Variants in VKORC1L1 observed in about 807,000 individuals in gnomAD.
VKORC1L1 encodes vitamin K epoxide reductase complex subunit 1L1, also known as vitamin K epoxide reductase complex subunit 1-like protein 1.
A neutral mutation model predicts 18.9 loss-of-function variants in VKORC1L1; 2 were observed. The observed-to-expected ratio is 0.11, with a 90% CI of 0.04 to 0.33. VKORC1L1 has a LOEUF of 0.33. VKORC1L1 is among the 10% of genes least tolerant of loss of function. The probability of loss-of-function intolerance (pLI) is 1.00; values close to 1 mark genes in which losing one functional copy is unlikely to be tolerated. For missense variants in VKORC1L1, 123 were observed against 224.1 expected (o/e 0.55, Z 2.88); for synonymous variants, 96 against 100.0 (o/e 0.96, Z 0.24).
chr7:65,945,798 G>A (rs1200055160), intron 1 of VKORC1L1, among the ~76,000 whole-genome samples: 3 of 152,190 alleles, frequency 2.0e-5, no homozygotes, highest in Non-Finnish European at 4.4e-5. Context: ...CATTGTTTTC[G>A]AGGAAAATAC....
At position 65,881,075 on chromosome 7, in the gene VKORC1L1, G is replaced by GA. The variant is rs1457738558; in HGVS notation, c.194+7516dup. On this transcript the variant is annotated intron_variant, in intron 1 of 2. Transcript: ENST00000360768. ...ATATAATGCACATATTCCCAAATCTGAAAAAATCCCAAATCCAAAGCATTT... is the reference window on the plus strand; with the variant it reads ...ATATAATGCACATATTCCCAAATCTGAAAAAAATCCCAAATCCAAAGCATTT... Among the ~76,000 whole-genome samples, 4 of 152,056 alleles carry GA rather than the reference G, an allele frequency of 2.6e-5. No individual in the cohort carries two copies. In the East Asian group the frequency reaches 5.8e-4, roughly 22 times the overall value.
At chr7:65,913,218 A>G (rs1291476163) in intron 1 of VKORC1L1, among the ~76,000 whole-genome samples, 3 of 152,188 alleles carry the variant, frequency 2.0e-5, no homozygotes, top group Admixed American at 2.0e-4. Context: ...TAATTCTGAT[A>G]GTGAATTTTC....
At chr7:65,951,606 A>G (rs575860629) in intron 2 of VKORC1L1, among the ~76,000 whole-genome samples, 1 of 151,980 alleles carries the variant, frequency 6.6e-6, no homozygotes, top group African/African-American at 2.4e-5. Flanking sequence ...ATACATATAT[A>G]AAATGTTACA....
rs550121948 is a variant in VKORC1L1, at chr7:65,956,750, A to C, written c.*2450A>C. On this transcript the variant is annotated 3_prime_UTR_variant, in exon 3 of 3. Transcript: ENST00000360768. ...CCGATTCTGCCCAGAAGAGGGGGGGAATCACCAGTGTTACAAAATTAGAAG... is the reference window on the plus strand; with the variant it reads ...CCGATTCTGCCCAGAAGAGGGGGGGCATCACCAGTGTTACAAAATTAGAAG... The C allele has an allele frequency of 6.6e-6, 1 of 152,188 alleles. No individual in the cohort carries two copies. The highest frequency in any genetic ancestry group is 2.4e-5 in the African/African-American group (1 of 41,524). The allele number at this position is 152,188 out of a possible 1,614,324, so 9.4% of individuals were successfully genotyped here.
intron 1 of VKORC1L1, among the ~76,000 whole-genome samples, chr7:65,884,294 G>A (rs551982753): frequency 1.3e-5 from 2 of 152,248 alleles, no homozygotes; most frequent in South Asian, 4.2e-4. Context: ...CATAGTTACT[G>A]TTATTTTAGA....
intron 1 of VKORC1L1, among the ~76,000 whole-genome samples, chr7:65,905,219 G>A (rs376328752): frequency 5.0e-4 from 76 of 152,264 alleles, no homozygotes; most frequent in African/African-American, 1.8e-3. Context: ...TTTAATGTCT[G>A]TATAGTATTC....
At chr7:65,940,302 G>A (rs1279327284) in intron 1 of VKORC1L1, among the ~76,000 whole-genome samples, 2 of 152,142 alleles carry the variant, frequency 1.3e-5, no homozygotes, top group African/African-American at 4.8e-5. Flanking sequence ...ACAGGCATAA[G>A]CCATCACACC....
intron 1 of VKORC1L1, among the ~76,000 whole-genome samples, chr7:65,916,732 G>GGGATTACA (rs1446104262): frequency 6.6e-6 from 1 of 151,988 alleles, no homozygotes; most frequent in East Asian, 1.9e-4. Flanking sequence ...CTGAGTAGCT[G>GGGATTACA]GGATTACAGG....
the VKORC1L1 span, among the ~76,000 whole-genome samples, chr7:65,865,778 A>G: frequency 3.3e-5 from 5 of 152,118 alleles, 1 homozygote; most frequent in Non-Finnish European, 1.5e-5. Context: ...GGAAAAGTTC[A>G]TCAACTAAAT....
intron 1 of VKORC1L1, among the ~76,000 whole-genome samples, chr7:65,899,521 C>T (rs545552661): frequency 1.6e-4 from 25 of 152,052 alleles, no homozygotes; most frequent in Admixed American, 9.2e-4. Context: ...TTTGACTAGA[C>T]GTGGAAACAG....
chr7:65,868,153 A>G (rs1438214456), upstream of VKORC1L1, among the ~76,000 whole-genome samples: 1 of 152,050 alleles, frequency 6.6e-6, no homozygotes, highest in Admixed American at 6.6e-5. Flanking sequence ...AGCACATGCT[A>G]TTAGTAAAAA....
At chr7:65,865,903 C>T in the VKORC1L1 span, among the ~76,000 whole-genome samples, 4 of 151,582 alleles carry the variant, frequency 2.6e-5, no homozygotes, top group Admixed American at 1.3e-4. Context: ...GGGAGGATCA[C>T]GAGGTCAAGA....
intron 1 of VKORC1L1, among the ~76,000 whole-genome samples, chr7:65,898,388 A>G (rs1172113403): frequency 6.6e-6 from 1 of 152,066 alleles, no homozygotes; most frequent in Non-Finnish European, 1.5e-5. Context: ...CCGGCCAGGT[A>G]GCAGCTCCTA....
chr7:65,888,650 G>A (rs571147453), intron 1 of VKORC1L1, among the ~76,000 whole-genome samples: 31 of 152,114 alleles, frequency 2.0e-4, no homozygotes, highest in Admixed American at 1.9e-3. Context: ...GGTGCAGGGG[G>A]GAGTTGACAA....
intron 1 of VKORC1L1, among the ~76,000 whole-genome samples, chr7:65,915,295 GT>G (rs1172621739): frequency 6.6e-6 from 1 of 151,368 alleles, no homozygotes; most frequent in African/African-American, 2.4e-5. Context: ...GTTTCACCGT[GT>G]TAGCCAGGAT....
intron 2 of VKORC1L1, among the ~76,000 whole-genome samples, chr7:65,953,211 A>G (rs989896154): frequency 2.6e-5 from 4 of 152,240 alleles, no homozygotes; most frequent in African/African-American, 9.6e-5. Context: ...CTTATCCACC[A>G]GGGTGAGCCC....
chr7:65,930,856 G>A (rs1028898193), intron 1 of VKORC1L1, among the ~76,000 whole-genome samples: 3 of 152,166 alleles, frequency 2.0e-5, no homozygotes, highest in African/African-American at 7.2e-5. Context: ...GATGTTAACT[G>A]TAGGAGTATT....
At chr7:65,898,722 A>G (rs1789260139) in intron 1 of VKORC1L1, among the ~76,000 whole-genome samples, 2 of 152,210 alleles carry the variant, frequency 1.3e-5, no homozygotes, top group South Asian at 2.1e-4. Flanking sequence ...AAAACTTACT[A>G]TCTTAAACAT....
chr7:65,935,070 A>G (rs202139111), intron 1 of VKORC1L1, among the ~76,000 whole-genome samples: 125 of 150,204 alleles, frequency 8.3e-4, no homozygotes, highest in East Asian at 1.8e-3. Context: ...AAAAAAAAAA[A>G]GGGGGTCTAT....
Sources: allele counts gnomAD v4.1 joint callset (sites outside exome capture counted in the v4.1 genomes callset), GRCh38; gene constraint gnomAD v4.1.1; transcripts MANE v1.5; gene names NCBI Gene and HGNC (gene_info 2026-07-23, HGNC 2026-07-21).